The following PEBP4 variants were observed in gnomAD, a reference collection of about 807,000 sequenced individuals.
The protein encoded by PEBP4 is phosphatidylethanolamine-binding protein 4.
PEBP4 carries 22 observed loss-of-function variants against 23.9 expected under a neutral mutation model. The observed-to-expected ratio is 0.92, with a 90% CI of 0.66 to 1.31. The LOEUF (loss-of-function observed/expected upper bound fraction) is 1.31, where lower values mean the gene tolerates loss of function less well. Among genes scored for constraint, PEBP4 ranks in the 40% most tolerant of loss-of-function variants. The probability of loss-of-function intolerance (pLI) is 0.00; values close to 1 mark genes in which losing one functional copy is unlikely to be tolerated. For synonymous variants in PEBP4, 112 were observed against 99.3 expected (o/e 1.13, Z -0.76); for missense variants, 324 against 281.7 (o/e 1.15, Z -1.07).
chr8:22,829,225 C>G (rs150315200), intron 3 of PEBP4, among the ~76,000 whole-genome samples: 1,862 of 152,256 alleles, frequency 0.012, 36 homozygotes, highest in East Asian at 0.07. Context: ...CATGTGTGAC[C>G]TGAGCAGTGA....
intron 4 of PEBP4, among the ~76,000 whole-genome samples, chr8:22,806,614 CAAAAAA>C (rs55944201): frequency 1.2e-5 from 1 of 85,884 alleles, no homozygotes; most frequent in Non-Finnish European, 2.4e-5. Flanking sequence ...GACTGTGTCT[CAAAAAA>C]AAAAAAAAAA....
At chr8:22,921,430 A>C (rs1409379002) in intron 2 of PEBP4, among the ~76,000 whole-genome samples, 1 of 152,198 alleles carries the variant, frequency 6.6e-6, no homozygotes, top group African/African-American at 2.4e-5. Context: ...TGGAGAATAG[A>C]TCTGGAAAGG....
intron 3 of PEBP4, among the ~76,000 whole-genome samples, chr8:22,896,481 CT>C (rs34567526): frequency 0.048 from 7,348 of 152,290 alleles, 236 homozygotes; most frequent in Middle Eastern, 0.078. Flanking sequence ...CTAGGGGTTT[CT>C]TGAGGCTCAC....
chr8:22,767,143 T>C (rs1805627711), intron 4 of PEBP4, among the ~76,000 whole-genome samples: 1 of 152,222 alleles, frequency 6.6e-6, no homozygotes, highest in Admixed American at 6.5e-5. Context: ...CTGGGGCTGC[T>C]TCATACAGCA....
upstream of PEBP4, among the ~76,000 whole-genome samples, chr8:22,928,356 G>A (rs969074360): frequency 1.7e-4 from 26 of 150,858 alleles, no homozygotes; most frequent in African/African-American, 6.5e-4. Flanking sequence ...AGCTCCGAAG[G>A]GCCAGCTCCG....
intron 4 of PEBP4, among the ~76,000 whole-genome samples, chr8:22,786,272 T>G (rs575686702): frequency 3.3e-5 from 5 of 152,062 alleles, no homozygotes; most frequent in African/African-American, 7.2e-5. Context: ...ATTTCTGTTT[T>G]TTTGTTTGTT....
intron 3 of PEBP4, among the ~76,000 whole-genome samples, chr8:22,898,542 G>T (rs776555245): frequency 6.6e-6 from 1 of 151,814 alleles, no homozygotes; most frequent in African/African-American, 2.4e-5. Context: ...TAATACTCAG[G>T]TTCTCAATCA....
intron 3 of PEBP4, among the ~76,000 whole-genome samples, chr8:22,915,104 G>T (rs548314308): frequency 3.3e-5 from 5 of 151,968 alleles, no homozygotes; most frequent in Admixed American, 2.0e-4. Flanking sequence ...AGCTCTATGG[G>T]TTCCACGTCC....
intron 4 of PEBP4, among the ~76,000 whole-genome samples, chr8:22,765,114 T>TGTC (rs1805581587): frequency 7.2e-6 from 1 of 138,564 alleles, no homozygotes; most frequent in Non-Finnish European, 1.5e-5. Context: ...CCTTCCTTTA[T>TGTC]TTCTTCCTTC....
intron 4 of PEBP4, chr8:22,755,856 A>T (rs980840764): frequency 3.3e-5 from 5 of 152,086 alleles, no homozygotes; most frequent in Non-Finnish European, 5.9e-5. Flanking sequence ...TCACTCAGAA[A>T]ACGGAGCCAC....
intron 3 of PEBP4, among the ~76,000 whole-genome samples, chr8:22,846,867 C>G (rs1807447603): frequency 6.6e-6 from 1 of 152,132 alleles, no homozygotes. Context: ...GGTGACATAA[C>G]AAAGGGGGTC....
At chr8:22,866,228 A>T (rs1224948246) in intron 3 of PEBP4, among the ~76,000 whole-genome samples, 1 of 152,236 alleles carries the variant, frequency 6.6e-6, no homozygotes, top group Non-Finnish European at 1.5e-5. Context: ...GTTAGCTAAT[A>T]TATGTACGAC....
chr8:22,793,594 T>A (rs534813683), intron 4 of PEBP4, among the ~76,000 whole-genome samples: 1 of 152,280 alleles, frequency 6.6e-6, no homozygotes, highest in East Asian at 1.9e-4. Context: ...TGCATAATAG[T>A]TTATGTAGTG....
At chr8:22,817,112 G>T (rs968548457) in intron 4 of PEBP4, among the ~76,000 whole-genome samples, 1 of 152,196 alleles carries the variant, frequency 6.6e-6, no homozygotes, top group African/African-American at 2.4e-5. Context: ...ACACAAAGAT[G>T]AGAGGCGGCC....
intron 3 of PEBP4, among the ~76,000 whole-genome samples, chr8:22,846,612 C>T (rs1465949781): frequency 6.6e-6 from 1 of 152,142 alleles, no homozygotes; most frequent in Non-Finnish European, 1.5e-5. Flanking sequence ...TCTAGGTTTG[C>T]ACCCCAAGCC....
intron 3 of PEBP4, among the ~76,000 whole-genome samples, chr8:22,839,846 C>T (rs1409903465): frequency 3.3e-5 from 5 of 152,048 alleles, no homozygotes; most frequent in Non-Finnish European, 7.4e-5. Context: ...TGTTTTTTAC[C>T]CCCTCGCCCA....
At chr8:22,920,424 A>C in intron 2 of PEBP4, 114 bp from the exon 3 acceptor site, 1 of 1,205,306 alleles carries the variant, frequency 8.3e-7, no homozygotes, top group Non-Finnish European at 1.1e-6. Flanking sequence ...TCAAATCCTA[A>C]ACCTGCCACT....
intron 3 of PEBP4, among the ~76,000 whole-genome samples, chr8:22,829,541 C>A (rs576434618): frequency 6.6e-6 from 1 of 152,278 alleles, no homozygotes; most frequent in Non-Finnish European, 1.5e-5. Flanking sequence ...TGCAACTCCC[C>A]AGTGCATCTG....
chr8:22,799,328 T>C (rs1453639449), intron 4 of PEBP4, among the ~76,000 whole-genome samples: 1 of 152,272 alleles, frequency 6.6e-6, no homozygotes, highest in Non-Finnish European at 1.5e-5. Context: ...AACCAGTTCA[T>C]GAACTCTCCC....
Sources: gnomAD v4.1 joint callset for allele counts (sites outside exome capture counted in the v4.1 genomes callset) on GRCh38, gnomAD v4.1.1 for gene constraint, MANE v1.5 for transcripts, NCBI Gene and HGNC (gene_info 2026-07-23, HGNC 2026-07-21) for gene names.